LGI2: variants seen among roughly 807,000 people sequenced by gnomAD.
LGI2 encodes the protein leucine rich repeat LGI family member 2.
In LGI2, 30 loss-of-function variants were observed where a neutral mutation model predicts 52.0. The observed-to-expected ratio is 0.58, with a 90% CI of 0.43 to 0.78. The LOEUF (loss-of-function observed/expected upper bound fraction) is 0.78, where lower values mean the gene tolerates loss of function less well. LGI2 is among the 30% of genes least tolerant of loss of function. The pLI is 0.00. For synonymous variants in LGI2, 270 were observed against 271.8 expected, an observed-to-expected ratio of 0.99 and a Z score of 0.06; for missense variants, 573 against 692.5, an observed-to-expected ratio of 0.83 and a Z score of 1.94.
At chr4:25,010,578 C>T (rs762087199) in intron 7 of LGI2, among the ~76,000 whole-genome samples, 6 of 152,358 alleles carry the variant, frequency 3.9e-5, no homozygotes, top group East Asian at 3.9e-4. Flanking sequence ...TCCTAGACCA[C>T]GGCAGAGTTG....
rs760773266 is a variant in LGI2, at chr4:25,004,228, A to G, written c.861T>C (p.Asp287=). 3 of 1,614,102 alleles carry G rather than the reference A, an allele frequency of 1.9e-6. No individual in the cohort carries two copies. The South Asian group carries it at 3.3e-5, about 18-fold the overall frequency. ...IVGCKAILID[D]QVFVVVAQLF... ...GCTGGGCTACCACCACAAAGACCTG[A>G]TCATCGATGAGAATGGCCTTACAGC... The change falls in exon 8 of 8, where the codon GAT becomes GAC. Residue 287 remains aspartate (D), a synonymous_variant. Coordinates refer to ENST00000382114, the MANE Select transcript of LGI2 (RefSeq NM_018176.4). This position sits in a 1 kb window ranked among gnomAD's most constrained non-coding sequence, Gnocchi z 4.6.
chr4:24,995,107 T>G (rs954164474), downstream of LGI2, among the ~76,000 whole-genome samples: 3 of 152,198 alleles, frequency 2.0e-5, no homozygotes, highest in African/African-American at 7.2e-5. Context: ...GGTGCACAAA[T>G]TATTTGTGGA....
At chr4:25,022,493 GTTC>G (rs1560293868) in intron 4 of LGI2, among the ~76,000 whole-genome samples, 2 of 152,164 alleles carry the variant, frequency 1.3e-5, no homozygotes, top group East Asian at 3.9e-4. Flanking sequence ...GGATGAGCTA[GTTC>G]TTCTCTAACG....
downstream of LGI2, among the ~76,000 whole-genome samples, chr4:24,995,571 T>C (rs1159945529): frequency 6.6e-6 from 1 of 152,128 alleles, no homozygotes; most frequent in Non-Finnish European, 1.5e-5. Flanking sequence ...ACAGGCTGCT[T>C]GAGTATGTTC....
In LGI2 at chr4:25,000,055, G is replaced by T; in HGVS notation, c.*3396C>A. On this transcript the variant is annotated 3_prime_UTR_variant, in exon 8 of 8. Coordinates refer to ENST00000382114, the MANE Select transcript of LGI2 (RefSeq NM_018176.4). The stretch of plus-strand genomic sequence containing the variant: ...AATTTCTGGACCACTTTCAAGAGTG[G>T]GGCCTTGAATGTAAAAAGAGTGGGG... 3.4e-6 allele frequency: 1 copy of T among 294,080 alleles called. No individual in the cohort carries two copies. Among genetic ancestry groups the T allele is most frequent in the Non-Finnish European group, 6.8e-6 (1 of 147,446 alleles). The allele number at this position is 294,080 out of a possible 1,614,324, so 18.2% of individuals were successfully genotyped here. A position where few individuals can be genotyped will look rare whatever the true frequency, so the allele number is the denominator to read the frequency against.
chr4:25,007,715 G>A (rs1725439030), intron 7 of LGI2, among the ~76,000 whole-genome samples: 1 of 152,136 alleles, frequency 6.6e-6, no homozygotes, highest in African/African-American at 2.4e-5. Context: ...GCCAAGATGA[G>A]ACGTAGAGAG....
chr4:25,015,787 C>T (rs754374480), intron 6 of LGI2, among the ~76,000 whole-genome samples: 2 of 152,080 alleles, frequency 1.3e-5, no homozygotes, highest in Admixed American at 6.5e-5. Flanking sequence ...ACATGAACCC[C>T]GAACACTCAA....
At chr4:25,009,188 C>G (rs181452600) in intron 7 of LGI2, among the ~76,000 whole-genome samples, 4 of 152,346 alleles carry the variant, frequency 2.6e-5, no homozygotes, top group Admixed American at 2.6e-4. Flanking sequence ...ACCTGTGAGA[C>G]TCCATGATCA....
downstream of LGI2, among the ~76,000 whole-genome samples, chr4:24,997,721 C>T (rs1008199370): frequency 1.3e-5 from 2 of 152,152 alleles, no homozygotes; most frequent in African/African-American, 4.8e-5. Context: ...ACTTCTTGCA[C>T]CCCTGAGTCA....
At chr4:25,012,220 C>G (rs954934330) in intron 7 of LGI2, 115 bp downstream of exon 7, 3 of 1,193,590 alleles carry the variant, frequency 2.5e-6, no homozygotes, top group African/African-American at 3.0e-5. Flanking sequence ...TGTTCCCCAG[C>G]TCTAACCAGG....
downstream of LGI2, among the ~76,000 whole-genome samples, chr4:24,998,369 C>T: frequency 6.6e-6 from 1 of 152,152 alleles, no homozygotes. Flanking sequence ...GTTTCTGAGC[C>T]TTCATTTGTC....
At chr4:25,028,412 C>T (rs993562277) in intron 2 of LGI2, 95 bp downstream of exon 2, 4 of 1,156,658 alleles carry the variant, frequency 3.5e-6, no homozygotes, top group Admixed American at 1.9e-5. Context: ...AGCTGGGGTA[C>T]TTTAGGAAGG....
downstream of LGI2, among the ~76,000 whole-genome samples, chr4:24,996,987 T>C (rs1182159666): frequency 2.0e-5 from 3 of 152,180 alleles, no homozygotes; most frequent in Non-Finnish European, 4.4e-5. Flanking sequence ...TTCCCCTGTG[T>C]TGCTTTGGTT....
At chr4:25,030,427 G>A (rs2109430006) in intron 1 of LGI2, 70 bp downstream of exon 1, 1 of 1,508,692 alleles carries the variant, frequency 6.6e-7, no homozygotes, top group African/African-American at 1.4e-5. Flanking sequence ...CGGCGCCAGA[G>A]GCAACTCCCT....
intron 1 of LGI2, among the ~76,000 whole-genome samples, chr4:25,029,353 C>T (rs1252866929): frequency 6.6e-6 from 1 of 152,216 alleles, no homozygotes; most frequent in Non-Finnish European, 1.5e-5. Context: ...ACCAGCCAAA[C>T]TCTTCTGACT....
chr4:25,003,491 G>A lies in LGI2; in HGVS notation c.1598C>T (p.Thr533Ile). Residue 533 changes from threonine (T) to isoleucine (I), a missense_variant, in exon 8 of 8, where the codon ACA (threonine) becomes ATA (isoleucine). Coordinates refer to ENST00000382114, the MANE Select transcript of LGI2 (RefSeq NM_018176.4). ...FFFASSFKGKTKIFEHIIVDL... is the reference protein window; with the variant it reads ...FFFASSFKGKIKIFEHIIVDL... Reference sequence around the variant, plus strand: ...AACAATTATATGTTCAAAAATCTTTGTTTTCCCTTTGAAACTGGATGCAAA... The same window carrying A: ...AACAATTATATGTTCAAAAATCTTTATTTTCCCTTTGAAACTGGATGCAAA... 1 of 1,601,108 alleles carries A rather than the reference G, an allele frequency of 6.2e-7. No individual in the cohort carries two copies. The highest frequency in any genetic ancestry group is 8.5e-7 in the Non-Finnish European group (1 of 1,176,932).
rs775499370 is a variant in LGI2, at chr4:25,004,096, C to G, written c.993G>C (p.Leu331=). Residue 331 remains leucine, a synonymous_variant, in exon 8 of 8, where the codon CTG becomes CTC. Transcript: ENST00000382114. This position sits in a 1 kb window ranked among gnomAD's most constrained non-coding sequence, Gnocchi z 4.6. ...SRISKPNDIE[L]FQIDDETFFV... is the part of the protein sequence containing the mutation. ...AGAACGTCTCGTCGTCGATCTGAAA[C>G]AGCTCGATGTCATTGGGCTTGGAAA... The G allele has an allele frequency of 8.7e-6, 14 of 1,614,208 alleles. No homozygotes were observed. Among genetic ancestry groups the G allele is most frequent in the Non-Finnish European group, 1.2e-5 (14 of 1,180,044 alleles).
chr4:24,995,953 T>A (rs1725063126), downstream of LGI2, among the ~76,000 whole-genome samples: 1 of 152,096 alleles, frequency 6.6e-6, no homozygotes, highest in Non-Finnish European at 1.5e-5. Context: ...GGCCAGTGGA[T>A]GAAATGGTGA....
intron 3 of LGI2, 83 bp downstream of exon 3, chr4:25,026,785 G>T: frequency 9.5e-7 from 1 of 1,056,886 alleles, no homozygotes; most frequent in Non-Finnish European, 1.5e-6. Flanking sequence ...CCCTTGCAGA[G>T]ATGCTGTTCC....
Sources: gnomAD v4.1 joint callset for allele counts (sites outside exome capture counted in the v4.1 genomes callset) on GRCh38, gnomAD v4.1.1 for gene constraint, Gnocchi (gnomAD v3.1) non-coding constraint, MANE v1.5 for transcripts, NCBI Gene and HGNC (gene_info 2026-07-23, HGNC 2026-07-21) for gene names.